The following ANKFN1 variants were observed in gnomAD, a reference collection of about 807,000 sequenced individuals.
The protein encoded by ANKFN1 is ankyrin repeat and fibronectin type III domain containing 1, also known as ankyrin repeat and fibronectin type-III domain-containing protein 1.
A neutral mutation model predicts 108.7 loss-of-function variants in ANKFN1; 74 were observed. The observed-to-expected ratio is 0.68, with a 90% CI of 0.56 to 0.83. The LOEUF is 0.83. Ranked by LOEUF, ANKFN1 falls within the 40% of genes least tolerant of loss-of-function variation. The pLI, the probability that ANKFN1 is intolerant of heterozygous loss-of-function variation, is 0.00. For synonymous variants in ANKFN1, 547 were observed against 516.2 expected (o/e 1.06, Z -0.81); for missense variants, 1,505 against 1,382.3 (o/e 1.09, Z -1.41).
chr17:56,372,762 G>T lies in ANKFN1; in HGVS notation c.718G>T (p.Glu240Ter), dbSNP rs1233436104. The change falls in exon 7 of 21, where the codon GAG becomes TAG. Residue 240 changes from glutamate to a stop codon, truncating the protein, a stop_gained. Transcript: ENST00000682825. LOFTEE classifies it high-confidence loss of function. ...TGAAGGATTCACTCTGGACAACACA[G>T]AGAAAGAGAAGCAGCTGAAAGCTTG... ...ENEGFTLDNT[E>*]KEKQLKAWEW... 3 of 1,614,034 alleles carry T rather than the reference G, an allele frequency of 1.9e-6. No individual in the cohort carries two copies. The highest frequency in any genetic ancestry group is 2.5e-6 in the Non-Finnish European group (3 of 1,179,978).
At chr17:56,203,267 C>T (rs1362356525) in intron 1 of ANKFN1, among the ~76,000 whole-genome samples, 1 of 152,150 alleles carries the variant, frequency 6.6e-6, no homozygotes, top group African/African-American at 2.4e-5. Flanking sequence ...CATCTTAGGC[C>T]TTTTCATCCC....
chr17:56,264,592 A>C (rs768933685), intron 3 of ANKFN1, among the ~76,000 whole-genome samples: 1 of 152,160 alleles, frequency 6.6e-6, no homozygotes, highest in African/African-American at 2.4e-5. Context: ...CTCAAAGTCA[A>C]TGAGTTCTCA....
chr17:56,270,605 G>A (rs2043767196), intron 3 of ANKFN1, among the ~76,000 whole-genome samples: 1 of 152,144 alleles, frequency 6.6e-6, no homozygotes, highest in Admixed American at 6.5e-5. Flanking sequence ...CCTGGCTTAT[G>A]GCTTCCTGGA....
chr17:56,423,627 C>T (rs1414869275), intron 8 of ANKFN1, among the ~76,000 whole-genome samples: 1 of 152,082 alleles, frequency 6.6e-6, no homozygotes, highest in Non-Finnish European at 1.5e-5. Context: ...TTTTTCAGCT[C>T]TCAATCTCTC....
intron 8 of ANKFN1, among the ~76,000 whole-genome samples, chr17:56,376,436 T>C (rs1223858542): frequency 6.6e-6 from 1 of 152,206 alleles, no homozygotes; most frequent in Non-Finnish European, 1.5e-5. Context: ...ACAACTCTGA[T>C]ACCTTTTCTT....
In ANKFN1 at chr17:56,455,207, C is replaced by T. The variant is rs141132162; in HGVS notation, c.1208-1654C>T. Among the ~76,000 whole-genome samples the T allele has an allele frequency of 3.1e-4, 47 of 152,176 alleles. 1 individual carries two copies. The highest frequency in any genetic ancestry group is 2.2e-4 in the Non-Finnish European group (15 of 68,010). On this transcript the variant is annotated intron_variant, in intron 11 of 20. Transcript: ENST00000682825. ...TGCTTACTTTTGTCTCCTTTCCCAT[C>T]TCTTTGTCTTTAAAAATTTATGTTG...
chr17:56,347,486 A>C (rs2046135577), intron 4 of ANKFN1, among the ~76,000 whole-genome samples: 1 of 152,110 alleles, frequency 6.6e-6, no homozygotes, highest in South Asian at 2.1e-4. Context: ...AACAATATCA[A>C]GATTCCAATT....
chr17:56,101,063 T>C (rs573845458), intron 4 of ANKFN1, among the ~76,000 whole-genome samples: 1 of 152,124 alleles, frequency 6.6e-6, no homozygotes, highest in Non-Finnish European at 1.5e-5. Flanking sequence ...CACCCCCACT[T>C]TCTGCCGTAC....
intron 15 of ANKFN1, among the ~76,000 whole-genome samples, chr17:56,467,015 G>A (rs1016848893): frequency 1.3e-5 from 2 of 152,134 alleles, no homozygotes; most frequent in Admixed American, 6.5e-5. Context: ...TGCTTGGGGG[G>A]CTGAGGCGGG....
chr17:56,328,337 C>T (rs1567917189), intron 4 of ANKFN1, among the ~76,000 whole-genome samples: 1 of 152,144 alleles, frequency 6.6e-6, no homozygotes, highest in Non-Finnish European at 1.5e-5. Context: ...TTTGCACCCC[C>T]CAAAATTTGT....
In ANKFN1 at chr17:56,429,502, G is replaced by A. The variant is rs79043966; in HGVS notation, c.911-10825G>A. ...AATTTAAATTTCATATAATTTTCAC[G>A]TTATGAAATATTTTGCTTTTTCTTC... On this transcript the variant is annotated intron_variant, in intron 8 of 20. Transcript: ENST00000682825. 2.2e-3 allele frequency among the ~76,000 whole-genome samples: 336 copies of A among 152,230 alleles called. 1 individual carries two copies. The highest frequency in any genetic ancestry group is 7.6e-3 in the African/African-American group (316 of 41,542).
intron 3 of ANKFN1, among the ~76,000 whole-genome samples, chr17:56,282,298 G>A (rs2044104644): frequency 6.6e-6 from 1 of 152,066 alleles, no homozygotes; most frequent in East Asian, 1.9e-4. Context: ...GTGTTTGTGT[G>A]TGTGTGTGTG....
rs981731208 is a variant in ANKFN1, at chr17:56,187,036, A to G, written c.-70-25562A>G. Among the ~76,000 whole-genome samples the G allele has an allele frequency of 5.3e-5, 8 of 152,336 alleles. No individual in the cohort carries two copies. The East Asian group carries it at 1.4e-3, about 26-fold the overall frequency. On this transcript the variant is annotated intron_variant, in intron 1 of 20. Coordinates refer to ENST00000682825, the MANE Select transcript of ANKFN1 (RefSeq NM_001370326.1). ...GGACATAGGCATGGGCAAGGACTTC[A>G]TGTCTAAAACACCAAAAGCAATGGC... is the stretch of plus-strand genomic sequence containing the variant.
At chr17:56,389,612 GAAGTGTAT>G in intron 8 of ANKFN1, among the ~76,000 whole-genome samples, 1 of 152,294 alleles carries the variant, frequency 6.6e-6, no homozygotes, top group African/African-American at 2.4e-5. Flanking sequence ...AACACTTGTG[GAAGTGTAT>G]CTGGTATTTC....
At chr17:56,276,526 T>G (rs2043939325) in intron 3 of ANKFN1, among the ~76,000 whole-genome samples, 1 of 152,218 alleles carries the variant, frequency 6.6e-6, no homozygotes, top group Admixed American at 6.5e-5. Context: ...GGTTCCTGAC[T>G]TTTTAATGAT....
intron 18 of ANKFN1, among the ~76,000 whole-genome samples, chr17:56,490,625 G>A (rs1460318527): frequency 2.0e-5 from 3 of 152,114 alleles, no homozygotes; most frequent in East Asian, 1.9e-4. Context: ...GAAATAGTAT[G>A]AGAATTCGAT....
intron 3 of ANKFN1, among the ~76,000 whole-genome samples, chr17:56,293,022 A>G (rs1179022164): frequency 1.3e-5 from 2 of 152,206 alleles, no homozygotes; most frequent in Admixed American, 1.3e-4. Context: ...TTATATGCCA[A>G]TGGTCATCAA....
chr17:56,172,125 T>G (rs974167286), intron 1 of ANKFN1, among the ~76,000 whole-genome samples: 6 of 152,204 alleles, frequency 3.9e-5, no homozygotes, highest in African/African-American at 1.4e-4. Flanking sequence ...AAGGTAAGTA[T>G]TATTATCCTC....
At chr17:56,439,543 G>T (rs1277991979) in intron 8 of ANKFN1, among the ~76,000 whole-genome samples, 1 of 151,740 alleles carries the variant, frequency 6.6e-6, no homozygotes, top group African/African-American at 2.4e-5. Context: ...TTCACCTTGG[G>T]GATGTCAAGG....
Sources: allele counts gnomAD v4.1 joint callset (sites outside exome capture counted in the v4.1 genomes callset), GRCh38; gene constraint gnomAD v4.1.1; transcripts MANE v1.5; gene names NCBI Gene and HGNC (gene_info 2026-07-23, HGNC 2026-07-21).